PLAGL1: variants seen among roughly 807,000 people sequenced by gnomAD.
PLAGL1 encodes the protein PLAG1 like zinc finger 1, also known as zinc finger protein PLAGL1.
In PLAGL1, 1 loss-of-function variant was observed where a neutral mutation model predicts 4.6. The observed-to-expected ratio is 0.22, with a 90% CI of 0.08 to 1.03. PLAGL1 has a LOEUF of 1.03. PLAGL1 is among the 50% of genes least tolerant of loss of function. The pLI, the probability that PLAGL1 is intolerant of heterozygous loss-of-function variation, is 0.58. For missense variants in PLAGL1, 464 were observed against 570.4 expected, an observed-to-expected ratio of 0.81 and a Z score of 1.90; for synonymous variants, 240 against 237.8, an observed-to-expected ratio of 1.01 and a Z score of -0.08.
intron 1 of PLAGL1, among the ~76,000 whole-genome samples, chr6:143,993,483 G>A (rs573712463): frequency 3.4e-4 from 51 of 151,950 alleles, no homozygotes; most frequent in East Asian, 7.7e-4. Flanking sequence ...GTGAGGAGAC[G>A]GCAGACATTT....
chr6:143,981,140 C>T (rs1787844858), intron 2 of PLAGL1, among the ~76,000 whole-genome samples: 1 of 151,026 alleles, frequency 6.6e-6, no homozygotes, highest in South Asian at 2.1e-4. Context: ...ATTTTTTAGG[C>T]AGGATCAGAT....
chr6:143,984,558 G>T lies in PLAGL1; in HGVS notation c.-544+577C>A, dbSNP rs1212544385. Among the ~76,000 whole-genome samples the T allele has an allele frequency of 1.3e-5, 2 of 151,978 alleles. No homozygotes were observed. The highest frequency in any genetic ancestry group is 2.4e-5 in the African/African-American group (1 of 41,374). The stretch of plus-strand genomic sequence containing the variant: ...TGTCTTCTTGGTGGCTTCAAAAGAG[G>T]TGAAACAGAACCTGCTAGAACAAGA... On this transcript the variant is annotated intron_variant, in intron 2 of 7. Transcript: ENST00000674357. This position sits in a 1 kb window ranked among gnomAD's most constrained non-coding sequence, Gnocchi z 5.5.
chr6:144,007,481 A>G (rs1363930841), intron 1 of PLAGL1: 1 of 152,216 alleles, frequency 6.6e-6, no homozygotes, highest in Non-Finnish European at 1.5e-5. Flanking sequence ...TTTGATGAGA[A>G]AAAATATTCA....
intron 1 of PLAGL1, among the ~76,000 whole-genome samples, chr6:143,999,371 T>C (rs566429570): frequency 1.9e-4 from 29 of 152,324 alleles, no homozygotes; most frequent in African/African-American, 6.5e-4. Flanking sequence ...AGTACATCAT[T>C]GGTGAATGAC....
upstream of PLAGL1, among the ~76,000 whole-genome samples, chr6:144,011,474 A>C (rs765759436): frequency 8.5e-5 from 13 of 152,188 alleles, no homozygotes; most frequent in Non-Finnish European, 1.8e-4. The surrounding 1 kb of genome is among the most constrained non-coding windows in gnomAD (Gnocchi z 4.3). Flanking sequence ...GAATTCTTTA[A>C]CATTAATATA....
In PLAGL1 at chr6:144,053,050, A is replaced by C. The variant is rs1798694273; in HGVS notation, c.-151+11418T>G. On this transcript the variant is annotated intron_variant, in intron 1 of 3. Transcript: ENST00000437412. The surrounding 1 kb of genome is among the most constrained non-coding windows in gnomAD (Gnocchi z 4.0). ...ACCAATACTTGTAAATGCTTTGATA[A>C]ACAAGGATGAAATTATTTATTTTAA... Among the ~76,000 whole-genome samples, 2 of 152,218 alleles carry C rather than the reference A, an allele frequency of 1.3e-5. No individual in the cohort carries two copies. The highest frequency in any genetic ancestry group is 2.9e-5 in the Non-Finnish European group (2 of 68,042).
rs939877318 is a variant in PLAGL1, at chr6:144,016,182, C to T, written c.-150-47204G>A. 6.6e-6 allele frequency among the ~76,000 whole-genome samples: 1 copy of T among 152,088 alleles called. No homozygotes were observed. The highest frequency in any genetic ancestry group is 2.4e-5 in the African/African-American group (1 of 41,394). On this transcript the variant is annotated intron_variant, in intron 1 of 3. Coordinates refer to the PLAGL1 transcript ENST00000437412. The surrounding 1 kb of genome is among the most constrained non-coding windows in gnomAD (Gnocchi z 4.2). ...TAACTTACATGATCACAAGGTCCCA[C>T]AATAGGCTGTCTGCAAGCTGAGGAG...
In PLAGL1 at chr6:144,055,192, C is replaced by A. The variant is rs1471373808; in HGVS notation, c.-151+9276G>T. On this transcript the variant is annotated intron_variant, in intron 1 of 3. Transcript: ENST00000437412. This position sits in a 1 kb window ranked among gnomAD's most constrained non-coding sequence, Gnocchi z 5.0. Reference sequence around the variant, plus strand: ...GCATATCCACAGATATTCATATCCACAGATATTCATGAAAACACACTTACC... The same window carrying A: ...GCATATCCACAGATATTCATATCCAAAGATATTCATGAAAACACACTTACC... Among the ~76,000 whole-genome samples the A allele has an allele frequency of 6.6e-6, 1 of 152,032 alleles. No individual in the cohort carries two copies. The highest frequency in any genetic ancestry group is 6.6e-5 in the Admixed American group (1 of 15,260).
In PLAGL1 at chr6:143,985,654, T is replaced by C. The variant is rs544582526; in HGVS notation, c.-583-480A>G. Among the ~76,000 whole-genome samples the C allele has an allele frequency of 2.6e-5, 4 of 152,288 alleles. No homozygotes were observed. The East Asian group carries it at 7.7e-4, about 29-fold the overall frequency. On this transcript the variant is annotated intron_variant, in intron 1 of 7. Transcript: ENST00000674357. The surrounding 1 kb of genome is among the most constrained non-coding windows in gnomAD (Gnocchi z 4.4). ...TACTACTACTACTACTTCCTATATG[T>C]CAAATCTTGAATGAATACTTTTAGT...
At position 144,056,676 on chromosome 6, in the gene PLAGL1, T is replaced by A. The variant is rs1238744631; in HGVS notation, c.-151+7792A>T. On this transcript the variant is annotated intron_variant, in intron 1 of 3. Coordinates refer to the PLAGL1 transcript ENST00000437412. This position sits in a 1 kb window ranked among gnomAD's most constrained non-coding sequence, Gnocchi z 4.7. Reference sequence around the variant, plus strand: ...TAGCTCTTTGTTTTTGTTTTTGTTTTTTTAAATTTAGACAGGTTATCGCTG... The same window carrying A: ...TAGCTCTTTGTTTTTGTTTTTGTTTATTTAAATTTAGACAGGTTATCGCTG... Among the ~76,000 whole-genome samples, 1 of 152,056 alleles carries A rather than the reference T, an allele frequency of 6.6e-6. No homozygotes were observed. Among genetic ancestry groups the A allele is most frequent in the Non-Finnish European group, 1.5e-5 (1 of 68,022 alleles).
At position 144,018,201 on chromosome 6, in the gene PLAGL1, TAAAG is replaced by T. The variant is rs927410020; in HGVS notation, c.-151+46263_-151+46266del. ...ATAGTCTATATAGTCTCAAAAAAGT[TAAAG>T]AAAGAAATCCTATCATTTACAACAA... On this transcript the variant is annotated intron_variant, in intron 1 of 3. Transcript: ENST00000437412. Among the ~76,000 whole-genome samples, 12 of 152,280 alleles carry T rather than the reference TAAAG, an allele frequency of 7.9e-5. No individual in the cohort carries two copies. In the South Asian group the frequency reaches 1.4e-3, roughly 18 times the overall value.
intron 1 of PLAGL1, among the ~76,000 whole-genome samples, chr6:143,996,710 T>C (rs1386887172): frequency 1.3e-5 from 2 of 150,200 alleles, no homozygotes; most frequent in African/African-American, 4.9e-5. Flanking sequence ...AACAAGGATA[T>C]AGAACTTAGA....
chr6:144,043,954 T>C (rs1035281056), intron 1 of PLAGL1, among the ~76,000 whole-genome samples: 15 of 152,236 alleles, frequency 9.9e-5, no homozygotes, highest in Non-Finnish European at 4.4e-5. Flanking sequence ...GGTTTTCTAG[T>C]TTATTTGCAT....
rs1780334322 is a variant in PLAGL1 at position 143,948,724 on chromosome 6, C to T, written c.-324-264G>A. On this transcript the variant is annotated intron_variant, in intron 6 of 7. Coordinates refer to ENST00000674357, the MANE Select transcript of PLAGL1 (RefSeq NM_001317162.2). This position sits in a 1 kb window ranked among gnomAD's most constrained non-coding sequence, Gnocchi z 6.0. ...GTTCTTTCCACGGATCCAGTATTATCTATTTCAGGTCAGTGTGAAGCTCCA... is the reference window on the plus strand; with the variant it reads ...GTTCTTTCCACGGATCCAGTATTATTTATTTCAGGTCAGTGTGAAGCTCCA... Among the ~76,000 whole-genome samples the T allele has an allele frequency of 6.6e-6, 1 of 151,638 alleles. No homozygotes were observed. The highest frequency in any genetic ancestry group is 6.6e-5 in the Admixed American group (1 of 15,228).
chr6:144,047,628 T>C (rs1798261117), intron 1 of PLAGL1, among the ~76,000 whole-genome samples: 1 of 152,062 alleles, frequency 6.6e-6, no homozygotes, highest in South Asian at 2.1e-4. Context: ...ACTCACTCAC[T>C]ATCACAAGAA....
intron 1 of PLAGL1, among the ~76,000 whole-genome samples, chr6:144,023,768 C>CTTTTTTTTTTTTT (rs34002736): frequency 4.1e-5 from 3 of 72,638 alleles, no homozygotes; most frequent in African/African-American, 1.1e-4. Context: ...TCATATTTAG[C>CTTTTTTTTTTTTT]TTTTTTTTTT....
intron 1 of PLAGL1, among the ~76,000 whole-genome samples, chr6:144,047,315 A>G (rs1389607414): frequency 6.6e-6 from 1 of 152,132 alleles, no homozygotes; most frequent in Non-Finnish European, 1.5e-5. Context: ...AGCTGTTCCT[A>G]TTTGGCCATC....
Position 144,058,417 on chromosome 6 carries a change from C to T in PLAGL1, c.-151+6051G>A, listed in dbSNP as rs977832032. Among the ~76,000 whole-genome samples the T allele has an allele frequency of 3.3e-4, 50 of 152,244 alleles. 1 individual carries two copies. Among genetic ancestry groups the T allele is most frequent in the Admixed American group, 2.9e-3 (44 of 15,288 alleles). On this transcript the variant is annotated intron_variant, in intron 1 of 3. Coordinates refer to the PLAGL1 transcript ENST00000437412. ...CATTTCAACATGAGATTTGGAGGGACGAATTTTCAAACCACATCATTCTGC... is the reference window on the plus strand; with the variant it reads ...CATTTCAACATGAGATTTGGAGGGATGAATTTTCAAACCACATCATTCTGC...
In PLAGL1 at chr6:144,005,885, T is replaced by C. The variant is rs1472881619; in HGVS notation, c.-584+2205A>G. The C allele has an allele frequency of 6.6e-6, 1 of 152,070 alleles. No homozygotes were observed. Among genetic ancestry groups the C allele is most frequent in the East Asian group, 1.9e-4 (1 of 5,204 alleles). 9.4% of individuals were successfully genotyped at this position (152,070 alleles called of 1,614,324 possible). ...AGAAATTATTGAGGTAAATACAATA[T>C]GTTAGCATTTTAAAACGCTGAAAGT... is the stretch of plus-strand genomic sequence containing the variant. On this transcript the variant is annotated intron_variant, in intron 1 of 7. Coordinates refer to ENST00000674357, the MANE Select transcript of PLAGL1 (RefSeq NM_001317162.2). The surrounding 1 kb of genome is among the most constrained non-coding windows in gnomAD (Gnocchi z 4.6).
Sources: allele counts gnomAD v4.1 joint callset (sites outside exome capture counted in the v4.1 genomes callset), GRCh38; gene constraint gnomAD v4.1.1; non-coding constraint Gnocchi (gnomAD v3.1); transcripts MANE v1.5; gene names NCBI Gene and HGNC (gene_info 2026-07-23, HGNC 2026-07-21).